CENPP: variants seen among roughly 807,000 people sequenced by gnomAD.
CENPP encodes centromere protein P.
CENPP carries 24 observed loss-of-function variants against 35.6 expected under a neutral mutation model. The ratio of observed to expected loss-of-function variants is 0.67; its 90% confidence interval spans 0.49 to 0.95. CENPP has a LOEUF of 0.95. Ranked by LOEUF, CENPP falls within the 40% of genes least tolerant of loss-of-function variation. The pLI is 0.00. For synonymous variants in CENPP, 120 were observed against 125.5 expected (o/e 0.96, Z 0.29); for missense variants, 332 against 345.3 (o/e 0.96, Z 0.31).
In CENPP at chr9:92,600,425, C is replaced by CA. The variant is rs779841186; in HGVS notation, c.565-10889_565-10888insA. ...CAACTCTGGGTTTCCCTGGTTCTTCCCAAGTCTGTACAAACAAGAAAAGTT... is the reference window on the plus strand; with the variant it reads ...CAACTCTGGGTTTCCCTGGTTCTTCCACAAGTCTGTACAAACAAGAAAAGTT... On this transcript the variant is annotated intron_variant, in intron 5 of 7. Coordinates refer to ENST00000375587, the MANE Select transcript of CENPP (RefSeq NM_001012267.3). 6 of 1,612,384 alleles carry CA rather than the reference C, an allele frequency of 3.7e-6. No individual in the cohort carries two copies. The South Asian group carries it at 6.6e-5, about 18-fold the overall frequency.
At chr9:92,447,212 T>C (rs568885493) in intron 5 of CENPP, among the ~76,000 whole-genome samples, 2 of 140,408 alleles carry the variant, frequency 1.4e-5, no homozygotes, top group South Asian at 4.2e-4. Context: ...ACATTTATTG[T>C]GTACTTTGTT....
intron 5 of CENPP, chr9:92,403,167 A>G: frequency 8.9e-7 from 1 of 1,117,366 alleles, no homozygotes; most frequent in East Asian, 2.6e-5. Flanking sequence ...CACATTCAGG[A>G]AAAGCAAAAA....
chr9:92,393,271 T>A, intron 5 of CENPP: 1 of 1,554,456 alleles, frequency 6.4e-7, no homozygotes, highest in Non-Finnish European at 8.7e-7. Context: ...ATCATAAAAA[T>A]ATGAACAATC....
At chr9:92,460,681 C>CT (rs1564333070) in intron 5 of CENPP, 26 of 618,148 alleles carry the variant, frequency 4.2e-5, no homozygotes, top group South Asian at 8.3e-5. Flanking sequence ...GGCACTAACT[C>CT]TTTTTTTTCT....
At position 92,476,962 on chromosome 9, in the gene CENPP, G is replaced by C. The variant is rs577609850; in HGVS notation, c.564+97103G>C. Among the ~76,000 whole-genome samples the C allele has an allele frequency of 3.9e-5, 6 of 152,192 alleles. No individual in the cohort carries two copies. Among genetic ancestry groups the C allele is most frequent in the Non-Finnish European group, 7.3e-5 (5 of 68,032 alleles). ...TTATCTAACCAGTATACAAATTACT[G>C]TTCTGTACACATCTGTACATAAAGA... is the stretch of plus-strand genomic sequence containing the variant. On this transcript the variant is annotated intron_variant, in intron 5 of 7. Coordinates refer to ENST00000375587, the MANE Select transcript of CENPP (RefSeq NM_001012267.3). This position sits in a 1 kb window ranked among gnomAD's most constrained non-coding sequence, Gnocchi z 4.1.
At chr9:92,398,271 T>A (rs1374385152) in intron 5 of CENPP, among the ~76,000 whole-genome samples, 1 of 152,364 alleles carries the variant, frequency 6.6e-6, no homozygotes, top group East Asian at 1.9e-4. Flanking sequence ...TTTATGTTTT[T>A]ATGTTTGTAT....
At chr9:92,537,620 A>G (rs1341630441) in intron 5 of CENPP, among the ~76,000 whole-genome samples, 2 of 152,194 alleles carry the variant, frequency 1.3e-5, no homozygotes, top group South Asian at 2.1e-4. Flanking sequence ...AGATTGTGCC[A>G]TTGCACTCCA....
chr9:92,601,089 C>T (rs1294177596), intron 5 of CENPP, among the ~76,000 whole-genome samples: 4 of 152,160 alleles, frequency 2.6e-5, no homozygotes, highest in Admixed American at 6.5e-5. Context: ...CTCAGGACCA[C>T]GTCCAGGAAA....
In CENPP at chr9:92,514,623, T is replaced by C. The variant is rs1456688173; in HGVS notation, c.565-96691T>C. The stretch of plus-strand genomic sequence containing the variant: ...GCACAAAATAAAGCAGAAGTCAACA[T>C]CTCTTACCAGTGAGCTCCAGACTTG... On this transcript the variant is annotated intron_variant, in intron 5 of 7. Transcript: ENST00000375587. 2.6e-6 allele frequency: 4 copies of C among 1,558,928 alleles called. No homozygotes were observed. In the East Asian group the frequency reaches 6.8e-5, roughly 26 times the overall value.
chr9:92,470,586 T>C, intron 5 of CENPP: 1 of 710,976 alleles, frequency 1.4e-6, no homozygotes. Context: ...GACTTGTTTA[T>C]ACTAACATAG....
chr9:92,535,982 G>T (rs888549476), intron 5 of CENPP: 3 of 512,632 alleles, frequency 5.9e-6, no homozygotes, highest in Middle Eastern at 3.3e-4. Context: ...TAAGTCTCCA[G>T]CTGAAAATGA....
At position 92,617,257 on chromosome 9, in the gene CENPP, G is replaced by A. The variant is rs937169291; in HGVS notation, c.*4108G>A. On this transcript the variant is annotated 3_prime_UTR_variant, in exon 8 of 8. Coordinates refer to ENST00000375587, the MANE Select transcript of CENPP (RefSeq NM_001012267.3). ...CTCAGTTCTGAGGCCTGAGACCCAA[G>A]CTGGGTGCACCTGGGCTGGAACAGT... is the stretch of plus-strand genomic sequence containing the variant. 1 of 152,228 alleles carries A rather than the reference G, an allele frequency of 6.6e-6. No individual in the cohort carries two copies. Among genetic ancestry groups the A allele is most frequent in the Admixed American group, 6.5e-5 (1 of 15,278 alleles). The allele number at this position is 152,228 out of a possible 1,614,324, so 9.4% of individuals were successfully genotyped here. A position where few individuals can be genotyped will look rare whatever the true frequency, so the allele number is the denominator to read the frequency against.
At chr9:92,414,445 A>G (rs1588112740) in intron 5 of CENPP, 2 of 208,434 alleles carry the variant, frequency 9.6e-6, no homozygotes, top group East Asian at 1.5e-4. Flanking sequence ...TACAAATTGC[A>G]ATGAGATAGT....
chr9:92,393,239 G>A, intron 5 of CENPP: 1 of 1,565,004 alleles, frequency 6.4e-7, no homozygotes, highest in Middle Eastern at 1.7e-4. Context: ...AGACACGTGG[G>A]CATTTCTAAA....
intron 5 of CENPP, chr9:92,515,082 T>G: frequency 6.2e-7 from 1 of 1,614,140 alleles, no homozygotes; most frequent in East Asian, 2.2e-5. Context: ...TTCGGTCCAT[T>G]CCCACCTGAG....
chr9:92,386,416 A>C, intron 5 of CENPP: 1 of 635,682 alleles, frequency 1.6e-6, no homozygotes, highest in East Asian at 2.8e-5. Context: ...TATTGATATG[A>C]ATACATCAAT....
chr9:92,336,508 C>T (rs1840935606), intron 2 of CENPP, among the ~76,000 whole-genome samples: 3 of 152,212 alleles, frequency 2.0e-5, no homozygotes, highest in Non-Finnish European at 2.9e-5. Context: ...TGTCCATGTG[C>T]TATCTAGTGC....
intron 5 of CENPP, 69 bp from the exon 6 acceptor site, chr9:92,611,245 C>T: frequency 7.8e-7 from 1 of 1,283,138 alleles, no homozygotes; most frequent in Non-Finnish European, 1.1e-6. Context: ...GAACGGTGCC[C>T]CGTGCCCCTC....
At chr9:92,339,021 A>AGAGAAAGCAGTTGAAAGAG (rs1197691107) in intron 3 of CENPP, among the ~76,000 whole-genome samples, 1 of 152,218 alleles carries the variant, frequency 6.6e-6, no homozygotes, top group African/African-American at 2.4e-5. Flanking sequence ...GTTGAAAGCC[A>AGAGAAAGCAGTTGAAAGAG]GAGAAAGCAG....
Sources: gnomAD v4.1 joint callset for allele counts (sites outside exome capture counted in the v4.1 genomes callset) on GRCh38, gnomAD v4.1.1 for gene constraint, Gnocchi (gnomAD v3.1) non-coding constraint, MANE v1.5 for transcripts, NCBI Gene and HGNC (gene_info 2026-07-23, HGNC 2026-07-21) for gene names.